ATRNL1: variants seen among roughly 807,000 people sequenced by gnomAD.
The protein encoded by ATRNL1 is attractin like 1.
ATRNL1 carries 95 observed loss-of-function variants against 182.7 expected under a neutral mutation model. That is an observed-to-expected ratio of 0.52 (90% CI 0.44 to 0.62). The LOEUF (loss-of-function observed/expected upper bound fraction) is 0.62, where lower values mean the gene tolerates loss of function less well. Ranked by LOEUF, ATRNL1 falls within the 20% of genes least tolerant of loss-of-function variation. ATRNL1 has a pLI of 0.00. For synonymous variants in ATRNL1, 576 were observed against 568.3 expected (o/e 1.01, Z -0.19); for missense variants, 1,471 against 1,679.5 (o/e 0.88, Z 2.17).
intron 8 of ATRNL1, among the ~76,000 whole-genome samples, chr10:115,199,464 T>G (rs1180587856): frequency 2.6e-5 from 4 of 151,976 alleles, no homozygotes; most frequent in Non-Finnish European, 5.9e-5. Flanking sequence ...CTTGGGAGGC[T>G]GAGGCAGGAG....
chr10:115,416,780 A>G (rs1845410496), intron 20 of ATRNL1, among the ~76,000 whole-genome samples: 1 of 152,246 alleles, frequency 6.6e-6, no homozygotes, highest in African/African-American at 2.4e-5. Flanking sequence ...TGTAATTTGA[A>G]TAAACCAAAT....
intron 1 of ATRNL1, among the ~76,000 whole-genome samples, chr10:115,103,091 G>A (rs570663950): frequency 1.4e-5 from 2 of 147,608 alleles, no homozygotes; most frequent in East Asian, 4.0e-4. Flanking sequence ...AGGCTGGAGT[G>A]CAATGGCATG....
chr10:115,740,476 G>A (rs1203324289), intron 27 of ATRNL1, among the ~76,000 whole-genome samples: 1 of 147,744 alleles, frequency 6.8e-6, no homozygotes, highest in Non-Finnish European at 1.5e-5. Context: ...TCCAGGCCAG[G>A]CTGAGCAATA....
intron 20 of ATRNL1, among the ~76,000 whole-genome samples, chr10:115,423,892 C>T (rs868930108): frequency 6.6e-6 from 1 of 152,022 alleles, no homozygotes; most frequent in Non-Finnish European, 1.5e-5. Context: ...TTGGAAAACA[C>T]CTCAAAAGCA....
chr10:115,160,657 T>TAAA (rs1846742118), intron 6 of ATRNL1, among the ~76,000 whole-genome samples: 1 of 151,924 alleles, frequency 6.6e-6, no homozygotes, highest in Non-Finnish European at 1.5e-5. Context: ...GTTCTAGTAT[T>TAAA]ATGAGAGAGA....
intron 1 of ATRNL1, among the ~76,000 whole-genome samples, chr10:115,108,494 A>G (rs1844119738): frequency 6.6e-6 from 1 of 152,198 alleles, no homozygotes; most frequent in South Asian, 2.1e-4. Context: ...TTGAGGAGGC[A>G]GTGTCTGATT....
chr10:115,217,791 G>T (rs1322755210), intron 9 of ATRNL1, among the ~76,000 whole-genome samples: 1 of 152,156 alleles, frequency 6.6e-6, no homozygotes, highest in Non-Finnish European at 1.5e-5. Context: ...TGTTGTAGAT[G>T]TATGATGCTT....
intron 28 of ATRNL1, among the ~76,000 whole-genome samples, chr10:115,871,482 T>TATATAC: frequency 1.6e-5 from 2 of 127,680 alleles, no homozygotes; most frequent in African/African-American, 8.1e-5. Flanking sequence ...TGTGTGTGTA[T>TATATAC]ATATATATAT....
At chr10:115,322,277 A>G (rs1854622001) in intron 18 of ATRNL1, among the ~76,000 whole-genome samples, 2 of 151,704 alleles carry the variant, frequency 1.3e-5, no homozygotes. Flanking sequence ...CTTTTAAATA[A>G]TTTGAGTGAT....
chr10:115,893,372 T>A (rs1448880566), intron 28 of ATRNL1, among the ~76,000 whole-genome samples: 1 of 152,158 alleles, frequency 6.6e-6, no homozygotes, highest in Non-Finnish European at 1.5e-5. Context: ...TTAATGAGTA[T>A]GATGCAGAGG....
intron 27 of ATRNL1, among the ~76,000 whole-genome samples, chr10:115,778,721 A>G (rs1949190670): frequency 6.6e-6 from 1 of 152,224 alleles, no homozygotes; most frequent in South Asian, 2.1e-4. Flanking sequence ...ACATTAAAGA[A>G]TTATGACCTG....
At chr10:115,423,879 G>C (rs782495353) in intron 20 of ATRNL1, among the ~76,000 whole-genome samples, 4 of 152,006 alleles carry the variant, frequency 2.6e-5, no homozygotes, top group Non-Finnish European at 5.9e-5. Flanking sequence ...TTGTTTGTTT[G>C]TTTTGGAAAA....
At chr10:115,574,684 T>A (rs1555004574) in intron 26 of ATRNL1, among the ~76,000 whole-genome samples, 2 of 152,338 alleles carry the variant, frequency 1.3e-5, no homozygotes, top group South Asian at 2.1e-4. Context: ...TTCTGCATGC[T>A]GATTTCAGGA....
chr10:115,341,760 A>G (rs948730711), intron 19 of ATRNL1, among the ~76,000 whole-genome samples: 22 of 152,260 alleles, frequency 1.4e-4, no homozygotes, highest in African/African-American at 4.1e-4. Context: ...CTTTATCATT[A>G]TAGAGTGACC....
At chr10:115,477,472 G>T in intron 24 of ATRNL1, among the ~76,000 whole-genome samples, 1 of 151,334 alleles carries the variant, frequency 6.6e-6, no homozygotes, top group African/African-American at 2.4e-5. Flanking sequence ...ATTCACTCAG[G>T]ATCTAAAAAT....
chr10:115,208,241 T>C (rs1057000696), intron 8 of ATRNL1, among the ~76,000 whole-genome samples: 1 of 152,070 alleles, frequency 6.6e-6, no homozygotes, highest in South Asian at 2.1e-4. Flanking sequence ...ATTAAACATA[T>C]TTGAGTATAT....
chr10:115,523,632 G>A (rs782348603), intron 25 of ATRNL1, among the ~76,000 whole-genome samples: 2 of 152,184 alleles, frequency 1.3e-5, no homozygotes, highest in Non-Finnish European at 2.9e-5. Flanking sequence ...AAAGTTCTTT[G>A]ACAGGGCATA....
intron 26 of ATRNL1, among the ~76,000 whole-genome samples, chr10:115,648,770 T>C (rs973848723): frequency 6.6e-6 from 1 of 152,190 alleles, no homozygotes; most frequent in Non-Finnish European, 1.5e-5. Context: ...TTTGGTATTG[T>C]TTCATTATGT....
At chr10:115,303,351 A>C (rs952106599) in intron 17 of ATRNL1, among the ~76,000 whole-genome samples, 2 of 151,386 alleles carry the variant, frequency 1.3e-5, no homozygotes, top group Admixed American at 1.3e-4. Context: ...TAGCCTCCCA[A>C]GTAGCTGGGA....
Sources: gnomAD v4.1 joint callset for allele counts (sites outside exome capture counted in the v4.1 genomes callset) on GRCh38, gnomAD v4.1.1 for gene constraint, MANE v1.5 for transcripts, NCBI Gene and HGNC (gene_info 2026-07-23, HGNC 2026-07-21) for gene names.